The following LGR6 variants were observed in gnomAD, a reference collection of about 807,000 sequenced individuals.
The protein encoded by LGR6 is leucine rich repeat containing G protein-coupled receptor 6, also known as leucine-rich repeat-containing G protein-coupled receptor 6.
A neutral mutation model predicts 69.4 loss-of-function variants in LGR6; 45 were observed. The ratio of observed to expected loss-of-function variants is 0.65; its 90% CI spans 0.51 to 0.83. The LOEUF is 0.83. Among genes scored for constraint, LGR6 ranks in the 40% least tolerant of loss-of-function variants. LGR6 has a pLI of 0.00. For missense variants in LGR6, 1,108 were observed against 1,246.7 expected, an observed-to-expected ratio of 0.89 and a Z score of 1.68; for synonymous variants, 538 against 555.0, an observed-to-expected ratio of 0.97 and a Z score of 0.43.
At chr1:202,295,589 A>G (rs1012061023) in intron 6 of LGR6, among the ~76,000 whole-genome samples, 2 of 152,200 alleles carry the variant, frequency 1.3e-5, no homozygotes, top group Non-Finnish European at 2.9e-5. Flanking sequence ...AGCCCCTGGT[A>G]GAACTCCAGG....
At chr1:202,234,901 C>T (rs1661397369) in intron 3 of LGR6, among the ~76,000 whole-genome samples, 1 of 152,182 alleles carries the variant, frequency 6.6e-6, no homozygotes, top group African/African-American at 2.4e-5. Flanking sequence ...GGCTCACTCA[C>T]TGTGCCCAGG....
intron 14 of LGR6, 96 bp downstream of exon 14, chr1:202,307,497 A>T (rs1653340258): frequency 1.0e-6 from 1 of 998,234 alleles, no homozygotes; most frequent in Non-Finnish European, 1.6e-6. Flanking sequence ...GAGCAGGAAC[A>T]TGCATATCCC....
Position 202,319,477 on chromosome 1 carries a change from CT to C in LGR6, c.*274del, listed in dbSNP as rs1654459533. ...TGAAGCTGTGGACCAGAGACCTGGA[CT>C]TTTGTCTGCTTAAGGGAAATGAGGG... On this transcript the variant is annotated 3_prime_UTR_variant, in exon 18 of 18. Coordinates refer to ENST00000367278, the MANE Select transcript of LGR6 (RefSeq NM_001017403.2). The C allele has an allele frequency of 7.2e-6, 3 of 417,258 alleles. No homozygotes were observed. Among genetic ancestry groups the C allele is most frequent in the Non-Finnish European group, 1.3e-5 (3 of 236,190 alleles). The allele number at this position is 417,258 out of a possible 1,614,324, so 25.8% of individuals were successfully genotyped here.
intron 4 of LGR6, among the ~76,000 whole-genome samples, chr1:202,274,905 G>C (rs931398885): frequency 2.0e-5 from 3 of 152,236 alleles, no homozygotes; most frequent in African/African-American, 7.2e-5. Flanking sequence ...GTGTCCTGGT[G>C]AATGTGCTTT....
intron 1 of LGR6, among the ~76,000 whole-genome samples, chr1:202,215,023 G>GCGCA (rs1659677819): frequency 2.0e-5 from 3 of 151,268 alleles, no homozygotes; most frequent in African/African-American, 7.3e-5. Context: ...GTGTGTGTGC[G>GCGCA]CGCGCGCGCG....
At chr1:202,224,158 T>C (rs1660349651) in intron 1 of LGR6, among the ~76,000 whole-genome samples, 1 of 152,022 alleles carries the variant, frequency 6.6e-6, no homozygotes, top group Non-Finnish European at 1.5e-5. Flanking sequence ...CTCTGTTTTC[T>C]TGAGTGTAAA....
chr1:202,246,135 TC>T (rs1485356128), intron 4 of LGR6, among the ~76,000 whole-genome samples: 1 of 76,716 alleles, frequency 1.3e-5, no homozygotes, highest in Non-Finnish European at 2.5e-5. Context: ...CATCCATATA[TC>T]CATTCCTCCA....
intron 4 of LGR6, among the ~76,000 whole-genome samples, chr1:202,250,095 G>A (rs1663101821): frequency 6.6e-6 from 1 of 152,192 alleles, no homozygotes; most frequent in African/African-American, 2.4e-5. Context: ...TCTTGGGCGT[G>A]CAGCCTGTGC....
intron 4 of LGR6, among the ~76,000 whole-genome samples, chr1:202,274,560 A>G (rs2924100): frequency 0.47 from 71,633 of 152,040 alleles, 17,811 homozygotes; most frequent in East Asian, 0.7. Context: ...CAGTGCTTTA[A>G]AAACATTAAC....
At chr1:202,204,642 A>AAC (rs1347962664) in intron 1 of LGR6, among the ~76,000 whole-genome samples, 26 of 49,590 alleles carry the variant, frequency 5.2e-4, no homozygotes, top group Middle Eastern at 0.021. Flanking sequence ...CACACCTCCA[A>AAC]ACACACACAC....
rs1654440441 is a variant in LGR6, at chr1:202,319,213, C to T, written c.*6C>T. 1 of 1,570,748 alleles carries T rather than the reference C, an allele frequency of 6.4e-7. No individual in the cohort carries two copies. Among genetic ancestry groups the T allele is most frequent in the Admixed American group, 1.8e-5 (1 of 54,158 alleles). ...CCTTTGCTTCACACGTGTAAATATCCCTCCCCATTCTTCTCTTCCCCTCTC... is the reference window on the plus strand; with the variant it reads ...CCTTTGCTTCACACGTGTAAATATCTCTCCCCATTCTTCTCTTCCCCTCTC... On this transcript the variant is annotated 3_prime_UTR_variant, in exon 18 of 18. Coordinates refer to ENST00000367278, the MANE Select transcript of LGR6 (RefSeq NM_001017403.2).
chr1:202,307,004 AT>A (rs760601152), intron 13 of LGR6, 65 bp downstream of exon 13: 89 of 1,351,772 alleles, frequency 6.6e-5, no homozygotes, highest in Non-Finnish European at 8.6e-5. Flanking sequence ...AGGCATGCTC[AT>A]TGTCATAGCA....
intron 5 of LGR6, among the ~76,000 whole-genome samples, chr1:202,277,260 G>A (rs1273348686): frequency 2.0e-5 from 3 of 152,078 alleles, no homozygotes; most frequent in Non-Finnish European, 2.9e-5. Context: ...CACGCCCCCC[G>A]CTTTTGAAGA....
chr1:202,219,894 T>G (rs1571830909), intron 1 of LGR6, among the ~76,000 whole-genome samples: 1 of 152,320 alleles, frequency 6.6e-6, no homozygotes, highest in East Asian at 1.9e-4. Context: ...TTATTTTTTT[T>G]GAGACAGTTT....
At chr1:202,291,610 G>A (rs1430335342) in intron 6 of LGR6, among the ~76,000 whole-genome samples, 1 of 152,208 alleles carries the variant, frequency 6.6e-6, no homozygotes, top group African/African-American at 2.4e-5. Flanking sequence ...CAAGCTTCCT[G>A]TCTCATTGGG....
rs889211936 is a variant in LGR6 at position 202,306,802 on chromosome 1, C to T, written c.1137-66C>T. 4.1e-5 allele frequency: 59 copies of T among 1,435,388 alleles called. No homozygotes were observed. The Middle Eastern group carries it at 7.1e-4, about 17-fold the overall frequency. The allele number at this position is 1,435,388 out of a possible 1,614,324, so 88.9% of individuals were successfully genotyped here. On this transcript the variant is annotated intron_variant, in intron 12 of 17. Transcript: ENST00000367278. ...GCTCTACTTTCTTCCTCCCAGTGCT[C>T]GGGGGGCATGGAGCGGAGCCAGGGT...
At chr1:202,248,786 C>T (rs551343251) in intron 4 of LGR6, among the ~76,000 whole-genome samples, 2 of 152,332 alleles carry the variant, frequency 1.3e-5, no homozygotes, top group African/African-American at 4.8e-5. Context: ...CTGCCCTCCC[C>T]ATGTTTCCTA....
chr1:202,273,385 C>T (rs780954146), intron 4 of LGR6, among the ~76,000 whole-genome samples: 1 of 151,696 alleles, frequency 6.6e-6, no homozygotes, highest in Non-Finnish European at 1.5e-5. Context: ...CCCAGATCTG[C>T]GAGATGTGTC....
chr1:202,207,763 T>C (rs531426799), intron 1 of LGR6, among the ~76,000 whole-genome samples: 4 of 152,338 alleles, frequency 2.6e-5, no homozygotes, highest in Admixed American at 2.6e-4. Flanking sequence ...ACGATGCCCT[T>C]GTTAAATGAG....
Sources: gnomAD v4.1 joint callset for allele counts (sites outside exome capture counted in the v4.1 genomes callset) on GRCh38, gnomAD v4.1.1 for gene constraint, MANE v1.5 for transcripts, NCBI Gene and HGNC (gene_info 2026-07-23, HGNC 2026-07-21) for gene names.